The following ZSCAN25 variants were observed in gnomAD, a reference collection of about 807,000 sequenced individuals.
The protein encoded by ZSCAN25 is zinc finger and SCAN domain containing 25.
ZSCAN25 carries 27 observed loss-of-function variants against 38.7 expected under a neutral mutation model. The ratio of observed to expected loss-of-function variants is 0.70; its 90% CI spans 0.51 to 0.96. ZSCAN25 has a LOEUF of 0.96. ZSCAN25 is among the 40% of genes least tolerant of loss of function. The pLI is 0.00. For synonymous variants in ZSCAN25, 273 were observed against 277.7 expected (o/e 0.98, Z 0.17); for missense variants, 637 against 705.9 (o/e 0.90, Z 1.11).
chr7:99,627,361 C>T (rs1807564795), intron 7 of ZSCAN25, among the ~76,000 whole-genome samples: 1 of 151,044 alleles, frequency 6.6e-6, no homozygotes, highest in Admixed American at 6.6e-5. Context: ...CTATTCATAA[C>T]ACCTCAAAAC....
the ZSCAN25 span, among the ~76,000 whole-genome samples, chr7:99,655,854 G>C: frequency 6.6e-6 from 1 of 152,282 alleles, no homozygotes; most frequent in East Asian, 1.9e-4. Context: ...GTGAATGGGA[G>C]TTCACTCATG....
the ZSCAN25 span, chr7:99,717,157 A>G: frequency 6.2e-7 from 1 of 1,613,710 alleles, no homozygotes; most frequent in Non-Finnish European, 8.5e-7. Context: ...TCAGAACCCC[A>G]TGGCTGTGCT....
At chr7:99,715,672 T>A in the ZSCAN25 span, 24 of 1,600,228 alleles carry the variant, frequency 1.5e-5, no homozygotes, top group Non-Finnish European at 2.1e-5. Flanking sequence ...ACATTTTAAG[T>A]GGATGAATTA....
the ZSCAN25 span, chr7:99,665,156 G>GCC: frequency 6.3e-7 from 1 of 1,589,840 alleles, no homozygotes; most frequent in Non-Finnish European, 8.6e-7. Flanking sequence ...AGAAATAATA[G>GCC]CCCACATACT....
chr7:99,636,046 CAA>C (rs780898445), downstream of ZSCAN25, among the ~76,000 whole-genome samples: 5,249 of 42,560 alleles, frequency 0.12, 47 homozygotes, highest in African/African-American at 0.17. Flanking sequence ...GACTCCATCT[CAA>C]AAAAAAAAAA....
the ZSCAN25 span, chr7:99,705,304 C>A: frequency 1.0e-5 from 6 of 598,978 alleles, no homozygotes; most frequent in Admixed American, 3.1e-5. Flanking sequence ...TTGGTCATCT[C>A]CTCTATATTA....
the ZSCAN25 span, among the ~76,000 whole-genome samples, chr7:99,704,753 G>A: frequency 2.0e-5 from 3 of 152,080 alleles, no homozygotes; most frequent in Admixed American, 1.3e-4. Flanking sequence ...CATAAGGTCA[G>A]GAGATCGAGA....
chr7:99,687,723 A>C, the ZSCAN25 span, among the ~76,000 whole-genome samples: 1 of 152,202 alleles, frequency 6.6e-6, no homozygotes, highest in East Asian at 1.9e-4. Flanking sequence ...TAATTGTCAG[A>C]TTCACCAAAG....
At position 99,632,175 on chromosome 7, in the gene ZSCAN25, C is replaced by T. The variant is rs989267873; in HGVS notation, c.*2155C>T. Reference sequence around the variant, plus strand: ...TCCTATCTGGCCTCTTCCCTATCTCCTGTGGGGCCAAGAGCTTAGGACAGT... The same window carrying T: ...TCCTATCTGGCCTCTTCCCTATCTCTTGTGGGGCCAAGAGCTTAGGACAGT... On this transcript the variant is annotated 3_prime_UTR_variant, in exon 8 of 8. Coordinates refer to ENST00000394152, the MANE Select transcript of ZSCAN25 (RefSeq NM_145115.3). 1.5e-5 allele frequency: 15 copies of T among 985,316 alleles called. No homozygotes were observed. Among genetic ancestry groups the T allele is most frequent in the Admixed American group, 1.2e-4 (2 of 16,264 alleles). 61.0% of individuals were successfully genotyped at this position (985,316 alleles called of 1,614,324 possible).
the ZSCAN25 span, among the ~76,000 whole-genome samples, chr7:99,696,933 C>T: frequency 1.3e-5 from 2 of 152,186 alleles, no homozygotes; most frequent in East Asian, 1.9e-4. Context: ...TGCTTCTGCT[C>T]CAGCCATGTA....
chr7:99,679,275 C>A, the ZSCAN25 span, among the ~76,000 whole-genome samples: 2 of 152,116 alleles, frequency 1.3e-5, no homozygotes, highest in African/African-American at 4.8e-5. Context: ...CAGGGGACAG[C>A]TTCCCATGAA....
chr7:99,710,488 A>G, the ZSCAN25 span, among the ~76,000 whole-genome samples: 4 of 152,310 alleles, frequency 2.6e-5, no homozygotes, highest in South Asian at 6.2e-4. Context: ...TTTTTTACTT[A>G]GCATTATTGT....
the ZSCAN25 span, chr7:99,695,929 C>A: frequency 9.4e-7 from 1 of 1,068,638 alleles, no homozygotes; most frequent in South Asian, 1.4e-5. Flanking sequence ...CTGGAATGCT[C>A]AAGAGAAGGA....
the ZSCAN25 span, among the ~76,000 whole-genome samples, chr7:99,684,168 A>C: frequency 1.4e-5 from 2 of 139,802 alleles, no homozygotes; most frequent in Admixed American, 7.0e-5. Flanking sequence ...AAAAAGGCAT[A>C]ATTTTTTTTT....
At chr7:99,697,304 A>G in the ZSCAN25 span, among the ~76,000 whole-genome samples, 207 of 152,188 alleles carry the variant, frequency 1.4e-3, no homozygotes, top group African/African-American at 4.4e-3. Flanking sequence ...GGTTCTGGAT[A>G]TCTGAAGACC....
the ZSCAN25 span, chr7:99,705,621 A>C: frequency 6.2e-7 from 1 of 1,611,176 alleles, no homozygotes; most frequent in Non-Finnish European, 8.5e-7. Context: ...GAGCATATTG[A>C]GAAGCATTAA....
chr7:99,642,756 C>T, the ZSCAN25 span, among the ~76,000 whole-genome samples: 1 of 152,210 alleles, frequency 6.6e-6, no homozygotes, highest in East Asian at 1.9e-4. Flanking sequence ...CCTGTTCTAC[C>T]ACATGCCCTG....
At chr7:99,662,933 G>C in the ZSCAN25 span, 1 of 1,609,242 alleles carries the variant, frequency 6.2e-7, no homozygotes, top group Non-Finnish European at 8.5e-7. This position sits in a 1 kb window ranked among gnomAD's most constrained non-coding sequence, Gnocchi z 4.3. Flanking sequence ...CGTGAAGTCA[G>C]AAGTAAATCA....
the ZSCAN25 span, among the ~76,000 whole-genome samples, chr7:99,651,261 T>C: frequency 1.3e-5 from 2 of 152,166 alleles, no homozygotes; most frequent in Admixed American, 6.5e-5. Context: ...CTAATATATA[T>C]ATACACACAC....
Sources: allele counts gnomAD v4.1 joint callset (sites outside exome capture counted in the v4.1 genomes callset), GRCh38; gene constraint gnomAD v4.1.1; non-coding constraint Gnocchi (gnomAD v3.1); transcripts MANE v1.5; gene names NCBI Gene and HGNC (gene_info 2026-07-23, HGNC 2026-07-21).